GNAI1: variants seen among roughly 807,000 people sequenced by gnomAD.
GNAI1 encodes G protein subunit alpha i1, also known as guanine nucleotide-binding protein G(i) subunit alpha-1.
A neutral mutation model predicts 38.9 loss-of-function variants in GNAI1; 11 were observed. The observed-to-expected ratio is 0.28, with a 90% CI of 0.18 to 0.47. The LOEUF (loss-of-function observed/expected upper bound fraction) is 0.47. GNAI1 is among the 20% of genes least tolerant of loss of function. The pLI is 0.99. For missense variants in GNAI1, 317 were observed against 436.9 expected, an observed-to-expected ratio of 0.73 and a Z score of 2.45; for synonymous variants, 166 against 145.1, an observed-to-expected ratio of 1.14 and a Z score of -1.04.
chr7:80,186,023 C>CTTTT lies in GNAI1; in HGVS notation c.119-2904_119-2901dup, dbSNP rs533371119. Among the ~76,000 whole-genome samples the CTTTT allele has an allele frequency of 3.1e-4, 32 of 103,492 alleles. 4 individuals carry two copies. The highest frequency in any genetic ancestry group is 4.5e-4 in the Non-Finnish European group (24 of 53,304). 67.9% of individuals were successfully genotyped at this position (103,492 alleles called of 152,430 possible). A position where few individuals can be genotyped will look rare whatever the true frequency, so the allele number is the denominator to read the frequency against. On this transcript the variant is annotated intron_variant, in intron 1 of 7. Coordinates refer to ENST00000649796, the MANE Select transcript of GNAI1 (RefSeq NM_002069.6). ...AGTTAATAAGACTGCCATCCGCACTCTTTTTTTTTTTTTTTTTTTTTTTTT... is the reference window on the plus strand; with the variant it reads ...AGTTAATAAGACTGCCATCCGCACTCTTTTTTTTTTTTTTTTTTTTTTTTTTTTT...
At chr7:80,214,785 C>T (rs565383373) in intron 7 of GNAI1, among the ~76,000 whole-genome samples, 29 of 152,292 alleles carry the variant, frequency 1.9e-4, no homozygotes, top group African/African-American at 6.7e-4. Flanking sequence ...TTCTCCTCCT[C>T]TTCTTTTTCC....
intron 1 of GNAI1, among the ~76,000 whole-genome samples, chr7:80,182,797 T>G (rs1165936700): frequency 6.6e-6 from 1 of 152,214 alleles, no homozygotes; most frequent in African/African-American, 2.4e-5. Context: ...TACATGCATG[T>G]TCACGTGACA....
At chr7:80,140,735 T>A (rs1013942) in intron 1 of GNAI1, among the ~76,000 whole-genome samples, 94,589 of 151,882 alleles carry the variant, frequency 0.62, 31,178 homozygotes, top group South Asian at 0.72. Context: ...GGGCAAAAAA[T>A]TTTTTTTAAT....
chr7:80,214,035 A>G (rs1378670302), intron 7 of GNAI1, among the ~76,000 whole-genome samples: 3 of 152,138 alleles, frequency 2.0e-5, no homozygotes, highest in African/African-American at 7.2e-5. Flanking sequence ...GCCAGAGTCC[A>G]GTTCCAGACC....
At chr7:80,202,433 C>A (rs915316345) in intron 4 of GNAI1, among the ~76,000 whole-genome samples, 1 of 152,120 alleles carries the variant, frequency 6.6e-6, no homozygotes, top group Non-Finnish European at 1.5e-5. Flanking sequence ...AATCAAAGAA[C>A]ATTTTAAATA....
rs1787381078 is a variant in GNAI1 at position 80,134,968 on chromosome 7, G to A, written c.-193G>A. 2 of 403,910 alleles carry A rather than the reference G, an allele frequency of 5.0e-6. No homozygotes were observed. Among genetic ancestry groups the A allele is most frequent in the African/African-American group, 2.1e-5 (1 of 48,522 alleles). The allele number at this position is 403,910 out of a possible 1,614,324, so 25.0% of individuals were successfully genotyped here. On this transcript the variant is annotated 5_prime_UTR_variant, in exon 1 of 8. Transcript: ENST00000649796. ...CCGGGAAGCAGAGCCTGGTCGTGAG[G>A]AACAGCCGCCCGTTGCTGTCTGCCC... is the stretch of plus-strand genomic sequence containing the variant.
chr7:80,192,454 T>G (rs544748915), intron 3 of GNAI1, among the ~76,000 whole-genome samples: 11 of 152,206 alleles, frequency 7.2e-5, no homozygotes, highest in Non-Finnish European at 1.6e-4. Context: ...AGCATTAAAT[T>G]GGGTGTGTTT....
intron 4 of GNAI1, among the ~76,000 whole-genome samples, chr7:80,200,218 G>A (rs1346351382): frequency 6.6e-6 from 1 of 150,654 alleles, no homozygotes; most frequent in Non-Finnish European, 1.5e-5. Context: ...CAGTTACTCA[G>A]CGGGGGCTGA....
At chr7:80,178,577 T>G (rs1017952299) in intron 1 of GNAI1, among the ~76,000 whole-genome samples, 1 of 152,216 alleles carries the variant, frequency 6.6e-6, no homozygotes, top group Admixed American at 6.5e-5. Flanking sequence ...GATGACTCGC[T>G]GAAGGGTCAG....
chr7:80,207,683 G>C (rs2115696516), intron 5 of GNAI1, among the ~76,000 whole-genome samples: 1 of 148,370 alleles, frequency 6.7e-6, no homozygotes, highest in East Asian at 1.9e-4. Context: ...GAACTCTTGA[G>C]TGTGGTCATC....
intron 5 of GNAI1, among the ~76,000 whole-genome samples, chr7:80,205,953 A>G (rs997499958): frequency 6.6e-6 from 1 of 151,826 alleles, no homozygotes; most frequent in African/African-American, 2.4e-5. Context: ...AATGGTCGTG[A>G]TGATAAAGCA....
intron 4 of GNAI1, among the ~76,000 whole-genome samples, chr7:80,202,386 C>T (rs368699140): frequency 1.9e-4 from 29 of 152,216 alleles, no homozygotes; most frequent in South Asian, 1.7e-3. Context: ...CCACGCCTGG[C>T]GAACTGTAAC....
At chr7:80,174,190 G>A (rs1331213328) in intron 1 of GNAI1, among the ~76,000 whole-genome samples, 2 of 152,114 alleles carry the variant, frequency 1.3e-5, no homozygotes, top group Non-Finnish European at 1.5e-5. Flanking sequence ...TAAATAAATC[G>A]CATAATTTTG....
chr7:80,220,243 A>G lies in GNAI1; in HGVS notation c.*2750A>G, dbSNP rs1789048084. The stretch of plus-strand genomic sequence containing the variant: ...TCCTCCAAGTACTGTATTACTTACT[A>G]CATGTGATATGCTTAGAGCAGTGCC... On this transcript the variant is annotated 3_prime_UTR_variant, in exon 8 of 8. Coordinates refer to ENST00000649796, the MANE Select transcript of GNAI1 (RefSeq NM_002069.6). Among the ~76,000 whole-genome samples the G allele has an allele frequency of 6.6e-6, 1 of 151,238 alleles. No homozygotes were observed. The highest frequency in any genetic ancestry group is 1.5e-5 in the Non-Finnish European group (1 of 67,850).
At chr7:80,156,683 C>A (rs111268320) in intron 1 of GNAI1, among the ~76,000 whole-genome samples, 46 of 152,262 alleles carry the variant, frequency 3.0e-4, no homozygotes, top group Admixed American at 9.2e-4. Flanking sequence ...ACCCTCTTAT[C>A]GCAGCCTTCC....
chr7:80,137,301 TTTTTTC>T (rs1562819536), intron 1 of GNAI1, among the ~76,000 whole-genome samples: 2 of 50,358 alleles, frequency 4.0e-5, no homozygotes, highest in African/African-American at 4.5e-5. Flanking sequence ...TTCTTTTTTT[TTTTTTC>T]TTTTCTTTTC....
intron 1 of GNAI1, among the ~76,000 whole-genome samples, chr7:80,164,061 G>A (rs1049490726): frequency 3.6e-5 from 1 of 28,168 alleles, no homozygotes. Flanking sequence ...TTTTTTTTTT[G>A]TGGGGACTGA....
At chr7:80,200,051 A>G (rs1233747432) in intron 4 of GNAI1, among the ~76,000 whole-genome samples, 1 of 151,674 alleles carries the variant, frequency 6.6e-6, no homozygotes, top group Non-Finnish European at 1.5e-5. Flanking sequence ...GAGGTGGCTC[A>G]TTGCTTGTAA....
chr7:80,214,012 G>A (rs988402420), intron 7 of GNAI1, among the ~76,000 whole-genome samples: 2 of 151,966 alleles, frequency 1.3e-5, no homozygotes, highest in Non-Finnish European at 2.9e-5. Flanking sequence ...TGAGAATACC[G>A]GGGCTTCCTG....
Sources: allele counts gnomAD v4.1 joint callset (sites outside exome capture counted in the v4.1 genomes callset), GRCh38; gene constraint gnomAD v4.1.1; transcripts MANE v1.5; gene names NCBI Gene and HGNC (gene_info 2026-07-23, HGNC 2026-07-21).